Variants in CDK5 observed in about 807,000 individuals in gnomAD.
CDK5 encodes cyclin dependent kinase 5.
Under a neutral mutation model 44.6 loss-of-function variants are expected in CDK5, and 18 were observed. The observed-to-expected ratio is 0.40, with a 90% CI of 0.28 to 0.60. CDK5 has a LOEUF of 0.60. Ranked by LOEUF, CDK5 falls within the 20% of genes least tolerant of loss-of-function variation. CDK5 has a pLI of 0.38. For synonymous variants in CDK5, 143 were observed against 152.8 expected (o/e 0.94, Z 0.47); for missense variants, 198 against 368.1 (o/e 0.54, Z 3.78).
chr7:151,054,160 G>A lies in CDK5; in HGVS notation c.792+52C>T, dbSNP rs1048605499. 59 of 1,592,250 alleles carry A rather than the reference G, an allele frequency of 3.7e-5. No individual in the cohort carries two copies. The highest frequency in any genetic ancestry group is 2.3e-5 in the East Asian group (1 of 44,006). ...TCACTGCCCAGAGCCCTGCCTTCCT[G>A]TAGTCCCACTGGGCAAGTGTCCTGA... On this transcript the variant is annotated intron_variant, in intron 11 of 11. Transcript: ENST00000485972. The surrounding 1 kb of genome is among the most constrained non-coding windows in gnomAD (Gnocchi z 5.7).
chr7:151,056,539 C>T lies in CDK5; in HGVS notation c.312+41G>A, dbSNP rs773975565. 2.0e-5 allele frequency: 32 copies of T among 1,578,438 alleles called. No homozygotes were observed. The highest frequency in any genetic ancestry group is 2.7e-5 in the African/African-American group (2 of 74,298). Reference sequence around the variant, plus strand: ...GGGTGCTTACACCGAATGCAGACTCCGACCCCAGCCTGAGGGGTCCCCCAA... The same window carrying T: ...GGGTGCTTACACCGAATGCAGACTCTGACCCCAGCCTGAGGGGTCCCCCAA... On this transcript the variant is annotated intron_variant, in intron 5 of 11. Transcript: ENST00000485972. The surrounding 1 kb of genome is among the most constrained non-coding windows in gnomAD (Gnocchi z 4.7).
Position 151,056,329 on chromosome 7 carries a change from A to T in CDK5, c.312+251T>A, listed in dbSNP as rs570403143. 1.7e-6 allele frequency: 1 copy of T among 591,834 alleles called. No individual in the cohort carries two copies. Among genetic ancestry groups the T allele is most frequent in the East Asian group, 2.8e-5 (1 of 36,086 alleles). The allele number at this position is 591,834 out of a possible 1,614,324, so 36.7% of individuals were successfully genotyped here. A position where few individuals can be genotyped will look rare whatever the true frequency, so the allele number is the denominator to read the frequency against. On this transcript the variant is annotated intron_variant, in intron 5 of 11. Transcript: ENST00000485972. This position sits in a 1 kb window ranked among gnomAD's most constrained non-coding sequence, Gnocchi z 4.7. ...TGAATGAATGAGTGTATCTCCTTGA[A>T]CCTCATTTTCTCATCTCTCGAGTGT...
chr7:151,055,263 C>G lies in CDK5; in HGVS notation c.580+14G>C, dbSNP rs1796873523. ...TGGGAAAGAAGGTGCCTCTGCAACA[C>G]CCCAGCACATCACCTGCAAAGATGC... is the stretch of plus-strand genomic sequence containing the variant. On this transcript the variant is annotated intron_variant, in intron 8 of 11. Coordinates refer to ENST00000485972, the MANE Select transcript of CDK5 (RefSeq NM_004935.4). The G allele has an allele frequency of 6.2e-7, 1 of 1,608,798 alleles. No individual in the cohort carries two copies. The highest frequency in any genetic ancestry group is 1.7e-5 in the Admixed American group (1 of 59,970).
At position 151,057,069 on chromosome 7, in the gene CDK5, T is replaced by C. The variant is rs2150362150; in HGVS notation, c.126+3A>G. The C allele has an allele frequency of 6.2e-7, 1 of 1,609,710 alleles. No homozygotes were observed. Among genetic ancestry groups the C allele is most frequent in the African/African-American group, 1.3e-5 (1 of 74,822 alleles). ...CAGGCCGTATCCCACTCCCCAGTCC[T>C]ACCTCATCATCGTCATCCAGCCTCA... On this transcript the variant is annotated splice_donor_region_variant and intron_variant, in intron 2 of 11. Coordinates refer to ENST00000485972, the MANE Select transcript of CDK5 (RefSeq NM_004935.4). This position sits in a 1 kb window ranked among gnomAD's most constrained non-coding sequence, Gnocchi z 5.2.
rs1011549480 is a variant in CDK5 at position 151,054,546 on chromosome 7, G to C, written c.651-81C>G. 1 of 1,364,428 alleles carries C rather than the reference G, an allele frequency of 7.3e-7. No homozygotes were observed. The highest frequency in any genetic ancestry group is 1.0e-6 in the Non-Finnish European group (1 of 983,058). 84.5% of individuals were successfully genotyped at this position (1,364,428 alleles called of 1,614,324 possible). On this transcript the variant is annotated intron_variant, in intron 9 of 11. Transcript: ENST00000485972. The surrounding 1 kb of genome is among the most constrained non-coding windows in gnomAD (Gnocchi z 5.7). Reference sequence around the variant, plus strand: ...CAGGGTGAGGGCCTCTTCCCCTCCTGGGGAGGGATTCCTCATACCCACCGC... The same window carrying C: ...CAGGGTGAGGGCCTCTTCCCCTCCTCGGGAGGGATTCCTCATACCCACCGC...
intron 8 of CDK5, 60 bp from the exon 9 acceptor site, chr7:151,055,156 C>G: frequency 6.3e-7 from 1 of 1,579,344 alleles, no homozygotes; most frequent in South Asian, 1.2e-5. Context: ...TCTGAGGTAC[C>G]CCCTGACCTT....
Position 151,056,313 on chromosome 7 carries a change from G to A in CDK5, c.312+267C>T. 2 of 583,346 alleles carry A rather than the reference G, an allele frequency of 3.4e-6. No individual in the cohort carries two copies. Among genetic ancestry groups the A allele is most frequent in the Non-Finnish European group, 6.1e-6 (2 of 327,768 alleles). The allele number at this position is 583,346 out of a possible 1,614,324, so 36.1% of individuals were successfully genotyped here. On this transcript the variant is annotated intron_variant, in intron 5 of 11. Coordinates refer to ENST00000485972, the MANE Select transcript of CDK5 (RefSeq NM_004935.4). This position sits in a 1 kb window ranked among gnomAD's most constrained non-coding sequence, Gnocchi z 4.7. ...TTCAGTAAGTATGTGTTGAATGAAT[G>A]AGTGTATCTCCTTGAACCTCATTTT...
chr7:151,055,651 C>G (rs1326963783), intron 6 of CDK5, 45 bp from the exon 7 acceptor site: 27 of 1,586,314 alleles, frequency 1.7e-5, no homozygotes, highest in African/African-American at 2.7e-5. Context: ...CTTTAAAAAG[C>G]CTTGGGACAG....
chr7:151,055,053 G>C lies in CDK5; in HGVS notation c.624C>G (p.Val208=), dbSNP rs759067345. 1.2e-6 allele frequency: 2 copies of C among 1,613,784 alleles called. No individual in the cohort carries two copies. Among genetic ancestry groups the C allele is most frequent in the African/African-American group, 2.7e-5 (2 of 75,008 alleles). The change falls in exon 9 of 12, where the codon GTC becomes GTG. Residue 208 remains valine (V), a synonymous_variant. Coordinates refer to ENST00000485972, the MANE Select transcript of CDK5 (RefSeq NM_004935.4). The stretch of plus-strand genomic sequence containing the variant: ...GGAAGATCCTCTTCAACTGGTCATC[G>C]ACATCATTGCCGGGAAAAAGAGGCC... ...AGRPLFPGND[V]DDQLKRIFRL... is the part of the protein sequence containing the mutation.
Position 151,053,905 on chromosome 7 carries a change from G to C in CDK5, c.*104C>G. Reference sequence around the variant, plus strand: ...AGGCACCCCACCCCGGCTGGGCCCAGCACTGCTGGAGCACAGCGCACCAGG... The same window carrying C: ...AGGCACCCCACCCCGGCTGGGCCCACCACTGCTGGAGCACAGCGCACCAGG... On this transcript the variant is annotated 3_prime_UTR_variant, in exon 12 of 12. Coordinates refer to ENST00000485972, the MANE Select transcript of CDK5 (RefSeq NM_004935.4). 1.0e-6 allele frequency: 1 copy of C among 988,348 alleles called. No individual in the cohort carries two copies. 61.2% of individuals were successfully genotyped at this position (988,348 alleles called of 1,614,324 possible).
At chr7:151,055,727 T>C (rs1176652716) in intron 6 of CDK5, 26 bp downstream of exon 6, 3 of 1,576,326 alleles carry the variant, frequency 1.9e-6, no homozygotes, top group Non-Finnish European at 2.6e-6. Flanking sequence ...AGCCTCTCCA[T>C]TCCCCACCTT....
rs1199201958 is a variant in CDK5, at chr7:151,057,090, C to T, written c.108G>A (p.Arg36=). 1 of 1,613,848 alleles carries T rather than the reference C, an allele frequency of 6.2e-7. No homozygotes were observed. Among genetic ancestry groups the T allele is most frequent in the African/African-American group, 1.3e-5 (1 of 74,904 alleles). ...THEIVALKRV[R]LDDDDEGVPS... ...GTCCTACCTCATCATCGTCATCCAG[C>T]CTCACCCGTTTCAGAGCCACGATCT... The change falls in exon 2 of 12, where the codon AGG becomes AGA. Residue 36 remains arginine, a synonymous_variant. Transcript: ENST00000485972. The surrounding 1 kb of genome is among the most constrained non-coding windows in gnomAD (Gnocchi z 5.2).
In CDK5 at chr7:151,056,022, G is replaced by A. The variant is rs929258860; in HGVS notation, c.313-174C>T. The A allele has an allele frequency of 3.5e-5, 21 of 603,912 alleles. No homozygotes were observed. The African/African-American group carries it at 3.9e-4, about 11-fold the overall frequency. The allele number at this position is 603,912 out of a possible 1,614,324, so 37.4% of individuals were successfully genotyped here. On this transcript the variant is annotated intron_variant, in intron 5 of 11. Coordinates refer to ENST00000485972, the MANE Select transcript of CDK5 (RefSeq NM_004935.4). This position sits in a 1 kb window ranked among gnomAD's most constrained non-coding sequence, Gnocchi z 4.7. Reference sequence around the variant, plus strand: ...CAGGACCTGCTTTATACTGTGCTAGGCATTAGAGGGACCAAAGTAAAGAAG... The same window carrying A: ...CAGGACCTGCTTTATACTGTGCTAGACATTAGAGGGACCAAAGTAAAGAAG...
chr7:151,056,711 C>T lies in CDK5; in HGVS notation c.255+25G>A, dbSNP rs755876265. On this transcript the variant is annotated intron_variant, in intron 4 of 11. Coordinates refer to ENST00000485972, the MANE Select transcript of CDK5 (RefSeq NM_004935.4). The surrounding 1 kb of genome is among the most constrained non-coding windows in gnomAD (Gnocchi z 4.7). ...GGGCCCCTATACCTTCCCAAGGCTA[C>T]TGTCCTCCAAACCCCGCCTTTCACC... 6.2e-7 allele frequency: 1 copy of T among 1,612,594 alleles called. No individual in the cohort carries two copies.
In CDK5 at chr7:151,055,744, A is replaced by G. The variant is rs377502490; in HGVS notation, c.408+9T>C. ...CCTCTCCATTCCCCACCTTCTTCCC[A>G]AGAAGTACCCTGTTTATTAGCAGGT... On this transcript the variant is annotated intron_variant, in intron 6 of 11. Coordinates refer to ENST00000485972, the MANE Select transcript of CDK5 (RefSeq NM_004935.4). 679 of 1,602,436 alleles carry G rather than the reference A, an allele frequency of 4.2e-4. 3 individuals carry two copies. Among genetic ancestry groups the G allele is most frequent in the Middle Eastern group, 3.4e-3 (20 of 5,970 alleles).
intron 5 of CDK5, 72 bp from the exon 6 acceptor site, chr7:151,055,920 T>TCTC (rs1796884856): frequency 2.0e-6 from 2 of 989,666 alleles, no homozygotes; most frequent in Non-Finnish European, 3.1e-6. Context: ...GGTCGGCTCC[T>TCTC]CTCCTCACCC....
At position 151,055,110 on chromosome 7, in the gene CDK5, A is replaced by AG. The variant is rs1563327159; in HGVS notation, c.581-15dup. On this transcript the variant is annotated splice_polypyrimidine_tract_variant and intron_variant, in intron 8 of 11. Transcript: ENST00000485972. ...CATTGGCCAGCTCTGGGGGATAGAC[A>AG]GGGGGCTAAGATGTGACATGTGAAG... 16 of 1,607,238 alleles carry AG rather than the reference A, an allele frequency of 1.0e-5. No homozygotes were observed. Among genetic ancestry groups the AG allele is most frequent in the Non-Finnish European group, 1.4e-5 (16 of 1,176,556 alleles).
Position 151,057,868 on chromosome 7 carries a change from C to T in CDK5, c.-20G>A. The stretch of plus-strand genomic sequence containing the variant: ...CTGCATCGCGGCGGCCGCGGGGACC[C>T]CTGCGGGCCCTCGGTTTTAAGACTC... On this transcript the variant is annotated 5_prime_UTR_variant, in exon 1 of 12. Transcript: ENST00000485972. This position sits in a 1 kb window ranked among gnomAD's most constrained non-coding sequence, Gnocchi z 5.2. The T allele has an allele frequency of 6.2e-7, 1 of 1,604,812 alleles. No individual in the cohort carries two copies. Among genetic ancestry groups the T allele is most frequent in the South Asian group, 1.1e-5 (1 of 89,598 alleles).
rs1034801827 is a variant in CDK5 at position 151,055,847 on chromosome 7, G to A, written c.314C>T (p.Ser105Leu). Residue 105 changes from serine (S) to leucine (L), a missense_variant and splice_region_variant, in exon 6 of 12, where the codon TCA becomes TTA. Ser to Leu is a moderately radical substitution (Grantham distance 145). Transcript: ENST00000485972. ...CCCTTTTAGTAGCTGGAAGAGGAAT[G>A]ACTGGGAGGAGAGAGGGAGAAGGGA... ...NGDLDPEIVKSFLFQLLKGLG... is the reference protein window; with the variant it reads ...NGDLDPEIVKLFLFQLLKGLG... 6.2e-7 allele frequency: 1 copy of A among 1,601,898 alleles called. No homozygotes were observed. The highest frequency in any genetic ancestry group is 8.5e-7 in the Non-Finnish European group (1 of 1,172,752).
Sources: gnomAD v4.1 joint callset for allele counts on GRCh38, gnomAD v4.1.1 for gene constraint, Gnocchi (gnomAD v3.1) non-coding constraint, MANE v1.5 for transcripts, NCBI Gene and HGNC (gene_info 2026-07-23, HGNC 2026-07-21) for gene names.